Variants in PCED1B observed in about 807,000 individuals in gnomAD.
PCED1B encodes PC-esterase domain containing 1B.
For synonymous variants in PCED1B, 251 were observed against 246.1 expected (o/e 1.02, Z -0.19); for missense variants, 573 against 573.9 (o/e 1.00, Z 0.02).
chr12:47,108,647 T>C (rs1185416632), intron 2 of PCED1B, among the ~76,000 whole-genome samples: 1 of 152,242 alleles, frequency 6.6e-6, no homozygotes. Context: ...TTTCATTACT[T>C]GAGTTTTACA....
intron 2 of PCED1B, among the ~76,000 whole-genome samples, chr12:47,161,603 T>C (rs2137506103): frequency 6.6e-6 from 1 of 152,322 alleles, no homozygotes; most frequent in South Asian, 2.1e-4. Flanking sequence ...CACGAAAAAG[T>C]CAGGGAACAA....
At chr12:47,131,131 A>T (rs1442007951) in intron 2 of PCED1B, among the ~76,000 whole-genome samples, 1 of 152,194 alleles carries the variant, frequency 6.6e-6, no homozygotes, top group Admixed American at 6.5e-5. Context: ...TTATTCTATC[A>T]CTTGAGGCAT....
At chr12:47,223,527 G>A (rs1943547882) in intron 3 of PCED1B, 1 of 152,116 alleles carries the variant, frequency 6.6e-6, no homozygotes, top group African/African-American at 2.4e-5. Flanking sequence ...CTTTTTCAAA[G>A]CAAGAAACTA....
At chr12:47,146,172 C>T (rs780399148) in intron 2 of PCED1B, among the ~76,000 whole-genome samples, 1 of 152,124 alleles carries the variant, frequency 6.6e-6, no homozygotes, top group African/African-American at 2.4e-5. Flanking sequence ...AATAGCAATG[C>T]AACTAGAAAT....
intron 2 of PCED1B, among the ~76,000 whole-genome samples, chr12:47,146,679 CT>C (rs530827847): frequency 1.1e-4 from 16 of 151,886 alleles, no homozygotes; most frequent in Non-Finnish European, 1.6e-4. Flanking sequence ...AAGGTATGTA[CT>C]TTTTTTTAGA....
chr12:47,154,917 C>T (rs1048773616), intron 2 of PCED1B, among the ~76,000 whole-genome samples: 5 of 152,000 alleles, frequency 3.3e-5, no homozygotes, highest in East Asian at 1.9e-4. Flanking sequence ...TTAGAAACAA[C>T]TTTGAAAATC....
intron 3 of PCED1B, among the ~76,000 whole-genome samples, chr12:47,228,671 A>C (rs981533077): frequency 6.6e-6 from 1 of 152,006 alleles, no homozygotes; most frequent in Non-Finnish European, 1.5e-5. Context: ...GGAGTTCAAG[A>C]CCAGCCTGGC....
At chr12:47,186,036 G>A (rs1942250435) in intron 2 of PCED1B, among the ~76,000 whole-genome samples, 2 of 151,848 alleles carry the variant, frequency 1.3e-5, no homozygotes, top group Admixed American at 6.6e-5. Flanking sequence ...TGACCAACAT[G>A]GTGAAACCCC....
At position 47,197,863 on chromosome 12, in the gene PCED1B, A is replaced by T. The variant is rs182085003; in HGVS notation, c.-525-18359A>T. 6.6e-4 allele frequency among the ~76,000 whole-genome samples: 101 copies of T among 152,268 alleles called. 4 individuals carry two copies. The highest frequency in any genetic ancestry group is 5.8e-3 in the East Asian group (30 of 5,186). ...ACACAAAGAGAAATAGATAATCTGA[A>T]TTAGCCAATATATATTAAAGAAATT... is the stretch of plus-strand genomic sequence containing the variant. On this transcript the variant is annotated intron_variant, in intron 2 of 3. Transcript: ENST00000546455.
chr12:47,157,536 T>C (rs954814586), intron 2 of PCED1B, among the ~76,000 whole-genome samples: 6 of 152,200 alleles, frequency 3.9e-5, no homozygotes, highest in African/African-American at 1.4e-4. Context: ...ATAAAGCCAC[T>C]GTACTTCAGC....
At chr12:47,193,988 A>G (rs1420136578) in intron 2 of PCED1B, among the ~76,000 whole-genome samples, 1 of 152,184 alleles carries the variant, frequency 6.6e-6, no homozygotes, top group Non-Finnish European at 1.5e-5. Context: ...CTTGGCTTTG[A>G]ATAAATACCA....
chr12:47,147,000 T>C (rs1299059255), intron 2 of PCED1B, among the ~76,000 whole-genome samples: 1 of 137,530 alleles, frequency 7.3e-6, no homozygotes, highest in Admixed American at 7.3e-5. Flanking sequence ...TCATTGCTCT[T>C]TTTTTTTTTT....
At chr12:47,174,858 A>G (rs1044064989) in intron 2 of PCED1B, among the ~76,000 whole-genome samples, 9 of 152,222 alleles carry the variant, frequency 5.9e-5, no homozygotes, top group Non-Finnish European at 1.3e-4. Flanking sequence ...GTTACTTAGC[A>G]TCACTGAGCA....
In PCED1B at chr12:47,235,324, T is replaced by C. The variant is rs1397775064; in HGVS notation, c.261T>C (p.His87=). The change falls in exon 4 of 4, where the codon CAT becomes CAC. Residue 87 remains histidine (H), a synonymous_variant. Transcript: ENST00000546455. ...TCCGCGAGTTCCGCTCCGACCACCA[T>C]CTGGTACGTTTTTACTTCCTCACCC... is the stretch of plus-strand genomic sequence containing the variant. ...REVREFRSDH[H]LVRFYFLTRV... The C allele has an allele frequency of 6.2e-7, 1 of 1,614,056 alleles. No homozygotes were observed. The highest frequency in any genetic ancestry group is 1.1e-5 in the South Asian group (1 of 91,084).
At chr12:47,091,744 C>CT (rs932488818) in intron 1 of PCED1B, among the ~76,000 whole-genome samples, 1 of 152,100 alleles carries the variant, frequency 6.6e-6, no homozygotes, top group Non-Finnish European at 1.5e-5. Context: ...ATTAGAATAC[C>CT]TTTTTTTCCA....
At chr12:47,080,905 G>C (rs1592116713) in intron 1 of PCED1B, among the ~76,000 whole-genome samples, 1 of 151,944 alleles carries the variant, frequency 6.6e-6, no homozygotes, top group East Asian at 1.9e-4. Context: ...CTCGTGGCGC[G>C]TGCGGGACAG....
At chr12:47,118,290 C>T in intron 2 of PCED1B, among the ~76,000 whole-genome samples, 1 of 152,080 alleles carries the variant, frequency 6.6e-6, no homozygotes, top group Non-Finnish European at 1.5e-5. Context: ...AATGGTATTG[C>T]CTAGGTTTTC....
intron 2 of PCED1B, among the ~76,000 whole-genome samples, chr12:47,108,370 T>C (rs1184832495): frequency 6.6e-6 from 1 of 152,198 alleles, no homozygotes; most frequent in Non-Finnish European, 1.5e-5. Flanking sequence ...TGACAGTTGA[T>C]GACAGCTGTT....
At chr12:47,167,540 A>C (rs937025362) in intron 2 of PCED1B, among the ~76,000 whole-genome samples, 2 of 152,176 alleles carry the variant, frequency 1.3e-5, no homozygotes, top group Non-Finnish European at 1.5e-5. Context: ...TGAATCCTGC[A>C]CATGGACAAG....
Sources: gnomAD v4.1 joint callset for allele counts (sites outside exome capture counted in the v4.1 genomes callset) on GRCh38, gnomAD v4.1.1 for gene constraint, MANE v1.5 for transcripts, NCBI Gene and HGNC (gene_info 2026-07-23, HGNC 2026-07-21) for gene names.